SLC25A21: variants seen among roughly 807,000 people sequenced by gnomAD.
The protein encoded by SLC25A21 is solute carrier family 25 member 21.
SLC25A21 carries 47 observed loss-of-function variants against 43.8 expected under a neutral mutation model. The observed-to-expected ratio is 1.07, with a 90% CI of 0.85 to 1.37. The LOEUF is 1.37. SLC25A21 is among the 40% of genes most tolerant of loss of function. The pLI is 0.00. For missense variants in SLC25A21, 352 were observed against 350.2 expected (o/e 1.00, Z -0.04); for synonymous variants, 131 against 121.3 (o/e 1.08, Z -0.52).
intron 1 of SLC25A21, among the ~76,000 whole-genome samples, chr14:37,012,125 CA>C (rs1253135473): frequency 1.3e-5 from 2 of 152,094 alleles, no homozygotes; most frequent in Non-Finnish European, 2.9e-5. Flanking sequence ...AGCAAAATGA[CA>C]AATTAATACC....
chr14:37,092,463 T>TCC (rs752034853), intron 1 of SLC25A21, among the ~76,000 whole-genome samples: 3 of 152,088 alleles, frequency 2.0e-5, no homozygotes, highest in Non-Finnish European at 1.5e-5. Flanking sequence ...GCTTCTGATT[T>TCC]CCCCCCAGTG....
intron 1 of SLC25A21, among the ~76,000 whole-genome samples, chr14:37,080,323 T>C (rs927165364): frequency 1.2e-4 from 18 of 152,318 alleles, no homozygotes; most frequent in African/African-American, 2.9e-4. Flanking sequence ...CCAAGAGCGG[T>C]GCCTCATGCC....
At chr14:36,808,105 T>C (rs1181880515) in intron 3 of SLC25A21, among the ~76,000 whole-genome samples, 2 of 152,206 alleles carry the variant, frequency 1.3e-5, no homozygotes, top group African/African-American at 4.8e-5. Context: ...CCACATATTT[T>C]CTACAGCAAT....
chr14:36,719,917 T>C (rs1007058550), intron 6 of SLC25A21, among the ~76,000 whole-genome samples: 12 of 152,178 alleles, frequency 7.9e-5, no homozygotes, highest in Non-Finnish European at 1.8e-4. Flanking sequence ...GGAACTCCAC[T>C]TGCAGCTCCA....
chr14:37,107,839 C>G (rs1411038809), intron 1 of SLC25A21, among the ~76,000 whole-genome samples: 3 of 152,114 alleles, frequency 2.0e-5, no homozygotes, highest in Non-Finnish European at 4.4e-5. Context: ...CTGAGAAGCA[C>G]AGAGAAGTGG....
chr14:36,727,681 C>T (rs528316701), intron 5 of SLC25A21, among the ~76,000 whole-genome samples: 67 of 146,092 alleles, frequency 4.6e-4, no homozygotes, highest in African/African-American at 1.6e-3. Flanking sequence ...GATTGAGACT[C>T]TGTCTCAAAA....
chr14:37,172,596 C>T lies in SLC25A21; in HGVS notation c.-246G>A, dbSNP rs1566931956. ...GGCGCCCTCGGCTCCGAAAATGTCT[C>T]TGGAAAGAAGACCCGCGGATGGGTT... On this transcript the variant is annotated 5_prime_UTR_variant, in exon 1 of 10. Coordinates refer to ENST00000331299, the MANE Select transcript of SLC25A21 (RefSeq NM_030631.4). The T allele has an allele frequency of 1.5e-6, 1 of 689,572 alleles. No homozygotes were observed. 42.7% of individuals were successfully genotyped at this position (689,572 alleles called of 1,614,324 possible).
chr14:37,045,576 C>T (rs1961570156), intron 1 of SLC25A21, among the ~76,000 whole-genome samples: 1 of 152,184 alleles, frequency 6.6e-6, no homozygotes, highest in Non-Finnish European at 1.5e-5. Context: ...GCTTAATTCT[C>T]CAAAGTCTCA....
intron 1 of SLC25A21, among the ~76,000 whole-genome samples, chr14:37,136,675 G>C (rs775474063): frequency 6.6e-6 from 1 of 151,952 alleles, no homozygotes; most frequent in Non-Finnish European, 1.5e-5. Flanking sequence ...TAGTTGAATG[G>C]ATACAAAAAT....
At chr14:36,716,182 G>A (rs548157279) in intron 6 of SLC25A21, among the ~76,000 whole-genome samples, 4 of 152,236 alleles carry the variant, frequency 2.6e-5, no homozygotes, top group African/African-American at 9.6e-5. Flanking sequence ...TCACTTATAT[G>A]TAGAATCCAA....
chr14:36,747,933 T>G (rs1166681293), intron 3 of SLC25A21, among the ~76,000 whole-genome samples: 1 of 152,226 alleles, frequency 6.6e-6, no homozygotes, highest in East Asian at 1.9e-4. Flanking sequence ...CGTTTGTATT[T>G]CTACAGGAAT....
intron 1 of SLC25A21, among the ~76,000 whole-genome samples, chr14:36,930,646 C>A (rs1426495812): frequency 1.3e-5 from 2 of 152,106 alleles, no homozygotes; most frequent in African/African-American, 2.4e-5. Flanking sequence ...TAGTGTACAC[C>A]ACAACCATAA....
intron 1 of SLC25A21, among the ~76,000 whole-genome samples, chr14:37,044,367 T>C (rs1469469058): frequency 6.6e-6 from 1 of 152,208 alleles, no homozygotes; most frequent in Non-Finnish European, 1.5e-5. Flanking sequence ...AGCTTACTTG[T>C]CTTATTTAAA....
chr14:37,119,618 C>T (rs752271910), intron 1 of SLC25A21, among the ~76,000 whole-genome samples: 5 of 152,196 alleles, frequency 3.3e-5, no homozygotes, highest in Middle Eastern at 3.4e-3. Flanking sequence ...GAGCAGCCCA[C>T]GCCGCTGCTC....
chr14:36,940,872 TG>T (rs1385441452), intron 1 of SLC25A21, among the ~76,000 whole-genome samples: 1 of 152,132 alleles, frequency 6.6e-6, no homozygotes, highest in African/African-American at 2.4e-5. Context: ...AGAAAAGTAC[TG>T]TGAAGGAATT....
intron 1 of SLC25A21, among the ~76,000 whole-genome samples, chr14:36,887,703 C>T (rs1169639232): frequency 1.3e-5 from 2 of 152,126 alleles, no homozygotes; most frequent in Non-Finnish European, 2.9e-5. Flanking sequence ...GTACCAGGAC[C>T]TCTATTTCAA....
chr14:37,008,649 G>A (rs1960661878), intron 1 of SLC25A21, among the ~76,000 whole-genome samples: 1 of 152,162 alleles, frequency 6.6e-6, no homozygotes, highest in Non-Finnish European at 1.5e-5. Flanking sequence ...GTATAATGCA[G>A]CGATGGCCTT....
At chr14:37,054,012 A>G (rs1961765843) in intron 1 of SLC25A21, among the ~76,000 whole-genome samples, 1 of 152,212 alleles carries the variant, frequency 6.6e-6, no homozygotes, top group Non-Finnish European at 1.5e-5. Context: ...GGTAAAATGT[A>G]TTTCCCTTCT....
At chr14:36,908,492 G>C (rs1373061706) in intron 1 of SLC25A21, among the ~76,000 whole-genome samples, 1 of 152,192 alleles carries the variant, frequency 6.6e-6, no homozygotes, top group Non-Finnish European at 1.5e-5. Flanking sequence ...CCCAAGAAAT[G>C]AGAGTATTTT....
Sources: gnomAD v4.1 joint callset for allele counts (sites outside exome capture counted in the v4.1 genomes callset) on GRCh38, gnomAD v4.1.1 for gene constraint, MANE v1.5 for transcripts, NCBI Gene and HGNC (gene_info 2026-07-23, HGNC 2026-07-21) for gene names.